ITPRID1: variants seen among roughly 807,000 people sequenced by gnomAD.
ITPRID1 encodes protein ITPRID1.
ITPRID1 carries 96 observed loss-of-function variants against 95.4 expected under a neutral mutation model. That is an observed-to-expected ratio of 1.01 (90% CI 0.85 to 1.19). The LOEUF (loss-of-function observed/expected upper bound fraction) is 1.19, where lower values mean the gene tolerates loss of function less well. Among genes scored for constraint, ITPRID1 ranks in the 50% most tolerant of loss-of-function variants. The pLI, the probability that ITPRID1 is intolerant of heterozygous loss-of-function variation, is 0.00. For missense variants in ITPRID1, 1,339 were observed against 1,252.9 expected (o/e 1.07, Z -1.04); for synonymous variants, 510 against 453.6 (o/e 1.12, Z -1.58).
At chr7:31,514,881 A>G (rs1371750513) in intron 1 of ITPRID1, among the ~76,000 whole-genome samples, 3 of 151,588 alleles carry the variant, frequency 2.0e-5, no homozygotes, top group Non-Finnish European at 2.9e-5. Flanking sequence ...ATAAAGGTTA[A>G]TATTTTACAT....
chr7:31,543,191 G>A (rs1783985812), intron 1 of ITPRID1, among the ~76,000 whole-genome samples: 1 of 152,066 alleles, frequency 6.6e-6, no homozygotes, highest in Non-Finnish European at 1.5e-5. Context: ...ATTTTGAGAG[G>A]TAATTATTCA....
chr7:31,647,034 A>G (rs1790526720), intron 12 of ITPRID1, among the ~76,000 whole-genome samples: 1 of 152,250 alleles, frequency 6.6e-6, no homozygotes, highest in South Asian at 2.1e-4. Flanking sequence ...AAACATACAC[A>G]CATATACGTG....
intron 10 of ITPRID1, among the ~76,000 whole-genome samples, chr7:31,620,263 C>A (rs920011755): frequency 1.2e-4 from 19 of 152,072 alleles, no homozygotes; most frequent in African/African-American, 4.1e-4. Flanking sequence ...CAGTGGTTCT[C>A]CCAGCATGCA....
intron 1 of ITPRID1, among the ~76,000 whole-genome samples, chr7:31,515,284 T>TA (rs58554033): frequency 0.22 from 31,476 of 146,224 alleles, 3,560 homozygotes; most frequent in East Asian, 0.41. Context: ...CAGCAGTGGT[T>TA]AAAAAAAAAA....
At chr7:31,551,582 T>C (rs1784286281) in intron 2 of ITPRID1, among the ~76,000 whole-genome samples, 1 of 143,874 alleles carries the variant, frequency 7.0e-6, no homozygotes, top group African/African-American at 2.4e-5. Flanking sequence ...ACAGCCATCA[T>C]AATTATTGAT....
At chr7:31,548,115 G>A (rs1784160230) in intron 1 of ITPRID1, among the ~76,000 whole-genome samples, 2 of 152,134 alleles carry the variant, frequency 1.3e-5, no homozygotes, top group South Asian at 4.2e-4. Flanking sequence ...GAGGTGATGG[G>A]GGATGTTTGA....
chr7:31,565,078 T>G (rs1784751556), intron 5 of ITPRID1, among the ~76,000 whole-genome samples: 1 of 152,044 alleles, frequency 6.6e-6, no homozygotes, highest in Non-Finnish European at 1.5e-5. Flanking sequence ...CAACATACAA[T>G]GAATAATAGT....
chr7:31,589,204 C>T (rs887499574), intron 10 of ITPRID1, among the ~76,000 whole-genome samples: 1 of 152,018 alleles, frequency 6.6e-6, no homozygotes, highest in African/African-American at 2.4e-5. Flanking sequence ...ATTCATTTAA[C>T]ATTACATCAG....
intron 12 of ITPRID1, 69 bp from the exon 13 acceptor site, chr7:31,651,073 T>C (rs1790900090): frequency 2.0e-6 from 3 of 1,529,666 alleles, no homozygotes; most frequent in South Asian, 1.3e-5. Context: ...GAAGACAGGC[T>C]CCACCATGGT....
chr7:31,521,453 G>A (rs919947490), intron 1 of ITPRID1, among the ~76,000 whole-genome samples: 6 of 152,038 alleles, frequency 3.9e-5, no homozygotes, highest in South Asian at 2.1e-4. Flanking sequence ...TCTATTCTTG[G>A]AAACTTATTA....
At chr7:31,617,842 C>T (rs1787411703) in intron 10 of ITPRID1, among the ~76,000 whole-genome samples, 1 of 152,092 alleles carries the variant, frequency 6.6e-6, no homozygotes, top group East Asian at 1.9e-4. Flanking sequence ...CAGAAGAAAA[C>T]ATTTGACCTA....
chr7:31,594,410 G>A (rs999940513), intron 10 of ITPRID1, among the ~76,000 whole-genome samples: 2 of 152,216 alleles, frequency 1.3e-5, no homozygotes, highest in South Asian at 2.1e-4. Context: ...ATAAGGAACC[G>A]TTAATGGTGG....
chr7:31,524,542 T>A (rs913373030), intron 1 of ITPRID1, among the ~76,000 whole-genome samples: 10 of 152,232 alleles, frequency 6.6e-5, no homozygotes, highest in Non-Finnish European at 7.3e-5. Context: ...AGAATTAACA[T>A]GTTCATTGTT....
At chr7:31,516,742 A>T (rs778285043) in intron 1 of ITPRID1, among the ~76,000 whole-genome samples, 129 of 152,336 alleles carry the variant, frequency 8.5e-4, no homozygotes, top group Non-Finnish European at 1.3e-3. Context: ...CCTCCAAAGT[A>T]GTGACTTCTC....
In ITPRID1 at chr7:31,599,688, CTCTCTTTCTT is replaced by C. The variant is rs1232830812; in HGVS notation, c.1228+16501_1228+16510del. On this transcript the variant is annotated intron_variant, in intron 10 of 14. Transcript: ENST00000615280. Reference sequence around the variant, plus strand: ...TCTCTCTCTCTCTCTCTCTCTCTCTCTCTCTTTCTTTCTTTCTTTCTTTCTCTTTTTTTGA... The same window carrying C: ...TCTCTCTCTCTCTCTCTCTCTCTCTCTCTTTCTTTCTTTCTCTTTTTTTGA... Among the ~76,000 whole-genome samples, 3 of 144,792 alleles carry C rather than the reference CTCTCTTTCTT, an allele frequency of 2.1e-5. 1 individual carries two copies. Among genetic ancestry groups the C allele is most frequent in the Non-Finnish European group, 4.5e-5 (3 of 66,318 alleles). 95.0% of individuals were successfully genotyped at this position (144,792 alleles called of 152,430 possible). A position where few individuals can be genotyped will look rare whatever the true frequency, so the allele number is the denominator to read the frequency against.
At chr7:31,570,017 T>C (rs1784931230) in intron 6 of ITPRID1, among the ~76,000 whole-genome samples, 1 of 152,172 alleles carries the variant, frequency 6.6e-6, no homozygotes, top group Non-Finnish European at 1.5e-5. Context: ...GTGAGCAAAT[T>C]AAATCAACAA....
At chr7:31,553,229 G>A in intron 3 of ITPRID1, 42 bp downstream of exon 3, 1 of 1,516,586 alleles carries the variant, frequency 6.6e-7, no homozygotes, top group Non-Finnish European at 8.9e-7. Context: ...ATTCCTCTGT[G>A]AGTGGTGAGG....
At chr7:31,517,155 T>G (rs369368929) in intron 1 of ITPRID1, among the ~76,000 whole-genome samples, 1 of 152,204 alleles carries the variant, frequency 6.6e-6, no homozygotes, top group South Asian at 2.1e-4. Context: ...GGTGGCCTGC[T>G]TTTATTCCCT....
At position 31,547,419 on chromosome 7, in the gene ITPRID1, C is replaced by T. The variant is rs141778746; in HGVS notation, c.-97-2007C>T. Among the ~76,000 whole-genome samples, 301 of 113,652 alleles carry T rather than the reference C, an allele frequency of 2.6e-3. 1 individual carries two copies. Among genetic ancestry groups the T allele is most frequent in the African/African-American group, 7.2e-3 (268 of 37,298 alleles). 74.6% of individuals were successfully genotyped at this position (113,652 alleles called of 152,430 possible). A position where few individuals can be genotyped will look rare whatever the true frequency, so the allele number is the denominator to read the frequency against. ...TGGAATGGGAAGGAAACACGTCCTT[C>T]TTCCCATGGTGGCAGCAAGGAGAAG... On this transcript the variant is annotated intron_variant, in intron 1 of 14. Coordinates refer to ENST00000615280, the MANE Select transcript of ITPRID1 (RefSeq NM_001257967.3).
Sources: allele counts gnomAD v4.1 joint callset (sites outside exome capture counted in the v4.1 genomes callset), GRCh38; gene constraint gnomAD v4.1.1; transcripts MANE v1.5; gene names NCBI Gene and HGNC (gene_info 2026-07-23, HGNC 2026-07-21).